ACOT1: variants seen among roughly 807,000 people sequenced by gnomAD.
ACOT1 encodes the protein acyl-coenzyme A thioesterase 1.
ACOT1 carries 8 observed loss-of-function variants against 15.7 expected under a neutral mutation model. The observed-to-expected ratio is 0.51, with a 90% CI of 0.30 to 0.92. The LOEUF (loss-of-function observed/expected upper bound fraction) is 0.92. Ranked by LOEUF, ACOT1 falls within the 40% of genes least tolerant of loss-of-function variation. The pLI is 0.06. For synonymous variants in ACOT1, 67 were observed against 241.2 expected, an observed-to-expected ratio of 0.28 and a Z score of 6.69; for missense variants, 151 against 539.4, an observed-to-expected ratio of 0.28 and a Z score of 7.13.
At position 73,541,595 on chromosome 14, in the gene ACOT1, C is replaced by T. The variant is rs754063921; in HGVS notation, c.560C>T (p.Ala187Val). 3.7e-5 allele frequency: 46 copies of T among 1,243,688 alleles called. 1 individual carries two copies. The African/African-American group carries it at 5.5e-4, about 15-fold the overall frequency. 77.0% of individuals were successfully genotyped at this position (1,243,688 alleles called of 1,614,324 possible). A position where few individuals can be genotyped will look rare whatever the true frequency, so the allele number is the denominator to read the frequency against. Residue 187 changes from alanine (A) to valine (V), a missense_variant, in exon 2 of 3, where the codon GCT becomes GTT. Transcript: ENST00000311148. ...LLAGKGFAVM[A>V]LAYYNYEDLP... is the part of the protein sequence containing the mutation. ...GCTGGGAAGGGTTTTGCTGTGATGG[C>T]TCTGGCTTACTATAACTATGAAGAC...
chr14:73,498,117 TA>T, the ACOT1 span: 1 of 1,561,728 alleles, frequency 6.4e-7, no homozygotes, highest in Non-Finnish European at 8.7e-7. Flanking sequence ...GAGTTGGCAG[TA>T]TAAGGTCATG....
At chr14:73,501,385 A>G in the ACOT1 span, among the ~76,000 whole-genome samples, 1 of 151,780 alleles carries the variant, frequency 6.6e-6, no homozygotes, top group Non-Finnish European at 1.5e-5. Context: ...TCGGCCTCCC[A>G]AAGTGCTGGG....
chr14:73,537,970 G>T lies in ACOT1; in HGVS notation c.457+92G>T. ...GTGTGTGTCCCCTTCGCCCCGCCCC[G>T]CTCTTTTCGCTTGTGTGTGTGTCCC... On this transcript the variant is annotated intron_variant, in intron 1 of 2. Coordinates refer to ENST00000311148, the MANE Select transcript of ACOT1 (RefSeq NM_001037161.2). The T allele has an allele frequency of 3.0e-6, 3 of 1,002,484 alleles. 1 individual carries two copies. The highest frequency in any genetic ancestry group is 2.1e-4 in the East Asian group (2 of 9,472). 62.1% of individuals were successfully genotyped at this position (1,002,484 alleles called of 1,614,324 possible). A position where few individuals can be genotyped will look rare whatever the true frequency, so the allele number is the denominator to read the frequency against.
chr14:73,529,756 C>G, the ACOT1 span, among the ~76,000 whole-genome samples: 1 of 152,108 alleles, frequency 6.6e-6, no homozygotes, highest in Non-Finnish European at 1.5e-5. Context: ...GGAGTAATAT[C>G]TTGCATTCTC....
At chr14:73,514,236 T>C in the ACOT1 span, 3 of 1,613,700 alleles carry the variant, frequency 1.9e-6, no homozygotes, top group Non-Finnish European at 1.7e-6. Flanking sequence ...GTCTGTAAGC[T>C]GTGCAACGTG....
At chr14:73,492,518 C>G in the ACOT1 span, 1 of 1,613,424 alleles carries the variant, frequency 6.2e-7, no homozygotes, top group Non-Finnish European at 8.5e-7. The surrounding 1 kb of genome is among the most constrained non-coding windows in gnomAD (Gnocchi z 4.9). Context: ...GGCCGACCAG[C>G]GAGCCAAAGA....
the ACOT1 span, among the ~76,000 whole-genome samples, chr14:73,530,794 A>ATTTTTTTTTTTTT: frequency 1.7e-5 from 1 of 57,788 alleles, no homozygotes; most frequent in Non-Finnish European, 3.2e-5. Context: ...TCTCGGTTAA[A>ATTTTTTTTTTTTT]TTTTTTTTTT....
chr14:73,506,469 A>C, the ACOT1 span: 2 of 1,612,586 alleles, frequency 1.2e-6, no homozygotes, highest in Middle Eastern at 1.7e-4. Context: ...AGGTTTACCA[A>C]GCAGACATTT....
chr14:73,520,957 TC>T, the ACOT1 span: 1 of 1,613,940 alleles, frequency 6.2e-7, no homozygotes, highest in Non-Finnish European at 8.5e-7. Flanking sequence ...TGGGAGAGGC[TC>T]GTCTTTTCAT....
chr14:73,509,580 T>C, the ACOT1 span: 1 of 1,061,880 alleles, frequency 9.4e-7, no homozygotes, highest in Non-Finnish European at 1.4e-6. Context: ...CAGCTGCAGT[T>C]GCTTAGTGCT....
At chr14:73,499,704 TCAAA>T in the ACOT1 span, among the ~76,000 whole-genome samples, 1 of 152,156 alleles carries the variant, frequency 6.6e-6, no homozygotes, top group Non-Finnish European at 1.5e-5. Flanking sequence ...CTTGAACACT[TCAAA>T]CAGATTTTTC....
chr14:73,523,250 T>C, the ACOT1 span: 1 of 1,235,006 alleles, frequency 8.1e-7, no homozygotes, highest in Non-Finnish European at 1.1e-6. Flanking sequence ...GAGGAACTGA[T>C]GAGAACTCTA....
At chr14:73,530,377 C>T in the ACOT1 span, 1 of 133,606 alleles carries the variant, frequency 7.5e-6, no homozygotes. Context: ...ATACACAATA[C>T]ATTTAAAGAA....
chr14:73,493,062 T>A, the ACOT1 span: 1 of 1,610,490 alleles, frequency 6.2e-7, no homozygotes, highest in Admixed American at 1.7e-5. Flanking sequence ...GTGCTCACAT[T>A]TACCTTTATC....
At chr14:73,526,441 C>A in the ACOT1 span, among the ~76,000 whole-genome samples, 9 of 152,254 alleles carry the variant, frequency 5.9e-5, no homozygotes, top group Admixed American at 5.9e-4. Flanking sequence ...TGTGTGTGAC[C>A]GCGTGTGACA....
chr14:73,506,370 G>A, the ACOT1 span: 10 of 781,220 alleles, frequency 1.3e-5, no homozygotes, highest in East Asian at 9.9e-5. Context: ...GATCTGTTTG[G>A]TAAGAATGGA....
At chr14:73,524,310 A>AAAAAAAAAAAATATATATATAT in the ACOT1 span, among the ~76,000 whole-genome samples, 1 of 54,788 alleles carries the variant, frequency 1.8e-5, no homozygotes, top group Non-Finnish European at 3.1e-5. Flanking sequence ...AAAAAAAAAA[A>AAAAAAAAAAAATATATATATAT]ATATATATAT....
chr14:73,532,421 C>G (rs188758603), upstream of ACOT1, among the ~76,000 whole-genome samples: 39 of 116,322 alleles, frequency 3.4e-4, 19 homozygotes, highest in East Asian at 0.026. Context: ...TACAGAAATT[C>G]TGATCTTCAG....
the ACOT1 span, chr14:73,521,061 G>C: frequency 6.3e-7 from 1 of 1,599,784 alleles, no homozygotes; most frequent in Non-Finnish European, 8.6e-7. Flanking sequence ...TGAGAAAGGA[G>C]GGAAAAGGGG....
Sources: allele counts gnomAD v4.1 joint callset (sites outside exome capture counted in the v4.1 genomes callset), GRCh38; gene constraint gnomAD v4.1.1; non-coding constraint Gnocchi (gnomAD v3.1); transcripts MANE v1.5; gene names NCBI Gene and HGNC (gene_info 2026-07-23, HGNC 2026-07-21).